Variants in SPATA6L observed in about 807,000 individuals in gnomAD.
The protein encoded by SPATA6L is spermatogenesis associated 6-like protein.
A neutral mutation model predicts 49.2 loss-of-function variants in SPATA6L; 68 were observed. The ratio of observed to expected loss-of-function variants is 1.38; its 90% CI spans 1.14 to 1.69. SPATA6L has a LOEUF of 1.69. Ranked by LOEUF, SPATA6L falls within the 40% of genes most tolerant of loss-of-function variation. The pLI, the probability that SPATA6L is intolerant of heterozygous loss-of-function variation, is 0.00. For missense variants in SPATA6L, 668 were observed against 464.3 expected (o/e 1.44, Z -4.03); for synonymous variants, 198 against 165.7 (o/e 1.19, Z -1.50).
intron 1 of SPATA6L, chr9:4,663,300 G>C (rs754803986): frequency 1.1e-5 from 18 of 1,585,968 alleles, no homozygotes; most frequent in Non-Finnish European, 1.5e-5. Flanking sequence ...GAAGTCTGAA[G>C]GTTTCCACAT....
chr9:4,627,983 T>C (rs1208288439), intron 5 of SPATA6L: 1 of 387,300 alleles, frequency 2.6e-6, no homozygotes, highest in East Asian at 7.5e-5. Flanking sequence ...TTATATCAAG[T>C]GAAATAAGCC....
intron 1 of SPATA6L, chr9:4,664,965 A>G (rs891065694): frequency 2.4e-5 from 4 of 167,142 alleles, no homozygotes; most frequent in Non-Finnish European, 5.9e-5. Flanking sequence ...CTTTAACTGC[A>G]GCAATATTCA....
chr9:4,620,310 C>T (rs942683714), intron 7 of SPATA6L, among the ~76,000 whole-genome samples: 1 of 152,160 alleles, frequency 6.6e-6, no homozygotes, highest in Non-Finnish European at 1.5e-5. Flanking sequence ...CCTCCTTCCT[C>T]CTGTGGCTTC....
intron 3 of SPATA6L, among the ~76,000 whole-genome samples, chr9:4,649,596 C>A (rs976536467): frequency 6.6e-6 from 1 of 152,204 alleles, no homozygotes; most frequent in African/African-American, 2.4e-5. Flanking sequence ...GTAGTCAGTT[C>A]TCAGGGACTG....
At position 4,662,767 on chromosome 9, in the gene SPATA6L, G is replaced by C; in HGVS notation, c.40-731C>G. ...GAGAGCTCGTCGTGGGGCAGCGTGCGACCCCTTATGAAGCTGCTGGAGATC... is the reference window on the plus strand; with the variant it reads ...GAGAGCTCGTCGTGGGGCAGCGTGCCACCCCTTATGAAGCTGCTGGAGATC... On this transcript the variant is annotated intron_variant, in intron 1 of 11. Transcript: ENST00000682582. The surrounding 1 kb of genome is among the most constrained non-coding windows in gnomAD (Gnocchi z 4.9). 6.2e-7 allele frequency: 1 copy of C among 1,604,868 alleles called. No homozygotes were observed. The highest frequency in any genetic ancestry group is 8.5e-7 in the Non-Finnish European group (1 of 1,179,932).
chr9:4,594,369 C>A (rs1475378426), downstream of SPATA6L, among the ~76,000 whole-genome samples: 1 of 152,162 alleles, frequency 6.6e-6, no homozygotes, highest in South Asian at 2.1e-4. Flanking sequence ...GCCAGCATGC[C>A]TGGCTAACTT....
At chr9:4,596,215 C>A (rs1170570077), downstream of SPATA6L, among the ~76,000 whole-genome samples, 1 of 152,178 alleles carries the variant, frequency 6.6e-6, no homozygotes, top group East Asian at 1.9e-4. Flanking sequence ...CCCCTCCCGA[C>A]CCCACAGGGT....
intron 9 of SPATA6L, among the ~76,000 whole-genome samples, chr9:4,606,247 T>A (rs1215978400): frequency 7.0e-6 from 1 of 142,642 alleles, no homozygotes; most frequent in East Asian, 2.2e-4. Context: ...TGCCCAGGCT[T>A]GCTGAGGTAA....
chr9:4,653,834 G>A (rs1288141578), intron 3 of SPATA6L, among the ~76,000 whole-genome samples: 1 of 152,216 alleles, frequency 6.6e-6, no homozygotes, highest in Non-Finnish European at 1.5e-5. Context: ...CTACTTCAGA[G>A]GCTGAGGTGG....
chr9:4,605,103 C>A (rs3739640), intron 10 of SPATA6L, among the ~76,000 whole-genome samples: 7,338 of 152,086 alleles, frequency 0.048, 288 homozygotes, highest in African/African-American at 0.087. Context: ...AAATTAGCTG[C>A]TACTCCTCCG....
chr9:4,626,412 C>G, intron 5 of SPATA6L: 2 of 1,303,208 alleles, frequency 1.5e-6, no homozygotes, highest in Non-Finnish European at 1.0e-6. Context: ...AGTTCCAGCT[C>G]ATCCAAGTCC....
intron 4 of SPATA6L, among the ~76,000 whole-genome samples, 184 bp downstream of exon 4, chr9:4,635,091 C>T (rs16921667): frequency 0.15 from 22,118 of 152,148 alleles, 2,615 homozygotes; most frequent in East Asian, 0.33. Flanking sequence ...AAAACTTCCA[C>T]CTCTCAGATC....
intron 2 of SPATA6L, among the ~76,000 whole-genome samples, chr9:4,661,317 T>C (rs1452478013): frequency 6.6e-6 from 1 of 152,180 alleles, no homozygotes; most frequent in East Asian, 1.9e-4. Context: ...ATAACATCAA[T>C]ATTCTATGAA....
At chr9:4,646,497 T>C (rs1052914634) in intron 3 of SPATA6L, 5 of 1,518,670 alleles carry the variant, frequency 3.3e-6, no homozygotes, top group African/African-American at 2.8e-5. Context: ...CTGGAGGAAC[T>C]AGCTGTATTA....
chr9:4,615,405 C>T (rs374995281), intron 9 of SPATA6L, among the ~76,000 whole-genome samples: 5 of 152,276 alleles, frequency 3.3e-5, no homozygotes, highest in South Asian at 2.1e-4. Flanking sequence ...ACAGATTTAA[C>T]GTGCTCCCCG....
chr9:4,621,609 C>T (rs1442546719), intron 7 of SPATA6L, among the ~76,000 whole-genome samples: 2 of 152,132 alleles, frequency 1.3e-5, no homozygotes. Context: ...CTGCCTCAGC[C>T]TCCTGAGTAG....
intron 4 of SPATA6L, chr9:4,633,550 A>G (rs1174133628): frequency 1.0e-5 from 2 of 191,910 alleles, no homozygotes; most frequent in South Asian, 1.2e-4. Context: ...CAAAGCACCC[A>G]AGATTCAGTG....
chr9:4,645,600 A>G (rs1246509553), intron 3 of SPATA6L, among the ~76,000 whole-genome samples: 1 of 152,146 alleles, frequency 6.6e-6, no homozygotes, highest in East Asian at 1.9e-4. Flanking sequence ...GAATAGATTA[A>G]CCCATTCACA....
chr9:4,647,977 G>A (rs1044891102), intron 3 of SPATA6L, among the ~76,000 whole-genome samples: 4 of 151,954 alleles, frequency 2.6e-5, no homozygotes, highest in African/African-American at 9.7e-5. Flanking sequence ...TGGGACTACA[G>A]GCACGTACCA....
Sources: allele counts gnomAD v4.1 joint callset (sites outside exome capture counted in the v4.1 genomes callset), GRCh38; gene constraint gnomAD v4.1.1; non-coding constraint Gnocchi (gnomAD v3.1); transcripts MANE v1.5; gene names NCBI Gene and HGNC (gene_info 2026-07-23, HGNC 2026-07-21).